PSME4: variants seen among roughly 807,000 people sequenced by gnomAD.
PSME4 encodes proteasome activator subunit 4.
Under a neutral mutation model 253.9 loss-of-function variants are expected in PSME4, and 89 were observed. The ratio of observed to expected loss-of-function variants is 0.35; its 90% CI spans 0.30 to 0.42. The LOEUF (loss-of-function observed/expected upper bound fraction) is 0.42. Among genes scored for constraint, PSME4 ranks in the 10% least tolerant of loss-of-function variants. The pLI is 1.00. For missense variants in PSME4, 2,014 were observed against 2,195.2 expected, an observed-to-expected ratio of 0.92 and a Z score of 1.65; for synonymous variants, 851 against 759.2, an observed-to-expected ratio of 1.12 and a Z score of -1.99.
intron 36 of PSME4, among the ~76,000 whole-genome samples, chr2:53,892,114 A>C (rs1366431230): frequency 3.9e-5 from 6 of 152,236 alleles, no homozygotes; most frequent in African/African-American, 1.4e-4. Flanking sequence ...ACGGATGACA[A>C]GAATACATGT....
intron 8 of PSME4, among the ~76,000 whole-genome samples, chr2:53,933,463 T>G (rs565971629): frequency 6.9e-6 from 1 of 144,390 alleles, no homozygotes; most frequent in South Asian, 2.2e-4. Flanking sequence ...CACTGCAGCC[T>G]CAATCTCCTA....
intron 41 of PSME4, among the ~76,000 whole-genome samples, chr2:53,879,296 T>C (rs1280179873): frequency 6.6e-6 from 1 of 152,178 alleles, no homozygotes; most frequent in African/African-American, 2.4e-5. Flanking sequence ...CTAGAGAGTG[T>C]CTGGTTAAAT....
At chr2:53,935,891 C>A (rs931302068) in intron 7 of PSME4, among the ~76,000 whole-genome samples, 196 bp downstream of exon 7, 1 of 150,500 alleles carries the variant, frequency 6.6e-6, no homozygotes, top group African/African-American at 2.4e-5. Context: ...TATTTATGTT[C>A]AAAATGTTTT....
chr2:53,895,456 G>C (rs1680097225), intron 33 of PSME4, 127 bp downstream of exon 33: 7 of 955,486 alleles, frequency 7.3e-6, no homozygotes, highest in Non-Finnish European at 1.1e-5. Flanking sequence ...GCAAAAGAAA[G>C]AGAGGACTAG....
chr2:53,960,253 G>C (rs1442224180), intron 1 of PSME4, among the ~76,000 whole-genome samples: 5 of 152,120 alleles, frequency 3.3e-5, no homozygotes, highest in Admixed American at 6.5e-5. Flanking sequence ...ACAAAAATCA[G>C]CCAGGCATGG....
Position 53,866,236 on chromosome 2 carries a change from CA to C in PSME4, c.5398-14del. The C allele has an allele frequency of 6.2e-7, 1 of 1,613,162 alleles. No homozygotes were observed. The highest frequency in any genetic ancestry group is 8.5e-7 in the Non-Finnish European group (1 of 1,179,602). Reference sequence around the variant, plus strand: ...TTTTTACAGTCATCTGTAAAGTAGACAACCCACATACGTTTTAACCTCTCTG... The same window carrying C: ...TTTTTACAGTCATCTGTAAAGTAGACACCCACATACGTTTTAACCTCTCTG... On this transcript the variant is annotated splice_polypyrimidine_tract_variant and intron_variant, in intron 45 of 46. Coordinates refer to ENST00000404125, the MANE Select transcript of PSME4 (RefSeq NM_014614.3).
chr2:53,892,750 C>A (rs944039502), intron 36 of PSME4, 58 bp downstream of exon 36: 3 of 1,526,100 alleles, frequency 2.0e-6, no homozygotes, highest in Non-Finnish European at 2.6e-6. Flanking sequence ...GGAATTGCCA[C>A]CAAAATGGGT....
At chr2:53,887,142 A>G in intron 40 of PSME4, 117 bp downstream of exon 40, 1 of 915,550 alleles carries the variant, frequency 1.1e-6, no homozygotes, top group Admixed American at 2.5e-5. Context: ...AAATGGTTAA[A>G]ACAGTAAATT....
chr2:53,967,671 A>AAAAAAAAAAAAAAAAT (rs1670807228), intron 1 of PSME4, among the ~76,000 whole-genome samples: 1 of 148,952 alleles, frequency 6.7e-6, no homozygotes, highest in African/African-American at 2.5e-5. Flanking sequence ...AAAAAAAAAA[A>AAAAAAAAAAAAAAAAT]AAAAAAAAGT....
At position 53,949,164 on chromosome 2, in the gene PSME4, C is replaced by T. The variant is rs778537738; in HGVS notation, c.362G>A (p.Arg121His). ...LEISMMQGFA[R>H]LLINLLKKKE... is the part of the protein sequence containing the mutation. ...TTACTTTAACAAGTTGATCAAAAGG[C>T]GGGCAAATCCCTGCATCATGCTGAT... The change falls in exon 2 of 47, where the codon CGC becomes CAC. Residue 121 changes from arginine (R) to histidine (H), a missense_variant. By Grantham distance (29) the Arg-to-His change is conservative. Transcript: ENST00000404125. 27 of 1,598,456 alleles carry T rather than the reference C, an allele frequency of 1.7e-5. No homozygotes were observed. Among genetic ancestry groups the T allele is most frequent in the South Asian group, 3.4e-5 (3 of 87,312 alleles).
chr2:53,925,686 A>T lies in PSME4; in HGVS notation c.1662T>A (p.Cys554Ter). ...ATGTGCTACTTTCTATAAGTCCAAA[A>T]CATCTAAATAATCCAAACAAAGCAT... ...EDFVLQFMDR[C>*]FGLIESSTLE... Residue 554 changes from cysteine (C) to a stop codon, truncating the protein, a stop_gained, in exon 14 of 47, where the codon TGT becomes TGA. Transcript: ENST00000404125. LOFTEE classifies it high-confidence loss of function. 1 of 1,594,108 alleles carries T rather than the reference A, an allele frequency of 6.3e-7. No individual in the cohort carries two copies.
rs751982609 is a variant in PSME4 at position 53,887,900 on chromosome 2, T to C, written c.4478A>G (p.Lys1493Arg). Residue 1493 changes from lysine to arginine, a missense_variant, in exon 39 of 47, where the codon AAA becomes AGA. By Grantham distance (26) the Lys-to-Arg change is conservative. Transcript: ENST00000404125. The part of the protein sequence containing the change: ...LHRLLKYLEP[K>R]LTQVYKNVRE... The stretch of plus-strand genomic sequence containing the variant: ...GACATTTTTGTAAACCTGGGTGAGT[T>C]TGGGTTCCAAGTACTTCAGTAGTCT... The C allele has an allele frequency of 1.9e-6, 3 of 1,605,312 alleles. No homozygotes were observed. Among genetic ancestry groups the C allele is most frequent in the Admixed American group, 3.3e-5 (2 of 59,944 alleles).
rs1680314221 is a variant in PSME4 at position 53,899,866 on chromosome 2, C to A, written c.3422+15G>T. On this transcript the variant is annotated intron_variant, in intron 29 of 46. Transcript: ENST00000404125. ...CTATAATGTCATCTATTGAAGTACA[C>A]CATTCATCAATTACCTTAGGGCATC... is the stretch of plus-strand genomic sequence containing the variant. 1.9e-6 allele frequency: 3 copies of A among 1,611,450 alleles called. No homozygotes were observed. Among genetic ancestry groups the A allele is most frequent in the Non-Finnish European group, 2.5e-6 (3 of 1,179,090 alleles).
In PSME4 at chr2:53,958,571, AT is replaced by A. The variant is rs537519351; in HGVS notation, c.243-9289del. ...AACAGTCAATATCAGACTTTAAGGC[AT>A]TCCTCTCCCAAGAGGCGCTTCCTTT... On this transcript the variant is annotated intron_variant, in intron 1 of 46. Transcript: ENST00000404125. Among the ~76,000 whole-genome samples the A allele has an allele frequency of 1.1e-3, 166 of 152,324 alleles. 1 individual carries two copies. The highest frequency in any genetic ancestry group is 9.3e-3 in the Admixed American group (142 of 15,292).
rs542567208 is a variant in PSME4, at chr2:53,879,569, A to G, written c.4816-3814T>C. 2.6e-5 allele frequency among the ~76,000 whole-genome samples: 4 copies of G among 152,294 alleles called. No homozygotes were observed. In the South Asian group the frequency reaches 8.3e-4, roughly 32 times the overall value. ...CCAAGAGTTTTCACATGAGAGGTAA[A>G]AGATATAAAAATACAAGTGGTTAAA... On this transcript the variant is annotated intron_variant, in intron 41 of 46. Transcript: ENST00000404125.
intron 1 of PSME4, among the ~76,000 whole-genome samples, chr2:53,954,343 G>A (rs529034736): frequency 6.8e-6 from 1 of 147,896 alleles, no homozygotes; most frequent in South Asian, 2.2e-4. Flanking sequence ...AAAAAGGAAA[G>A]AAAGAAAGAC....
intron 1 of PSME4, among the ~76,000 whole-genome samples, chr2:53,955,758 C>T (rs1014334010): frequency 6.6e-6 from 1 of 151,676 alleles, no homozygotes; most frequent in Non-Finnish European, 1.5e-5. Context: ...CTCGTGCCTA[C>T]AAGATATACA....
intron 40 of PSME4, among the ~76,000 whole-genome samples, chr2:53,886,277 T>G (rs1221710230): frequency 6.6e-6 from 1 of 152,074 alleles, no homozygotes; most frequent in Non-Finnish European, 1.5e-5. Flanking sequence ...GGTGTGGTGT[T>G]GCACACCTGT....
At chr2:53,952,332 A>G (rs1218545438) in intron 1 of PSME4, among the ~76,000 whole-genome samples, 1 of 152,094 alleles carries the variant, frequency 6.6e-6, no homozygotes, top group Non-Finnish European at 1.5e-5. Context: ...CACGAGGTCA[A>G]GAGATGGAGA....
Sources: gnomAD v4.1 joint callset for allele counts (sites outside exome capture counted in the v4.1 genomes callset) on GRCh38, gnomAD v4.1.1 for gene constraint, MANE v1.5 for transcripts, NCBI Gene and HGNC (gene_info 2026-07-23, HGNC 2026-07-21) for gene names.